The following PIK3CB variants were observed in gnomAD, a reference collection of about 807,000 sequenced individuals.
PIK3CB encodes the protein phosphatidylinositol-4,5-bisphosphate 3-kinase catalytic subunit beta, also known as phosphatidylinositol 4,5-bisphosphate 3-kinase catalytic subunit beta isoform.
A neutral mutation model predicts 136.8 loss-of-function variants in PIK3CB; 39 were observed. That is an observed-to-expected ratio of 0.29 (90% CI 0.22 to 0.37). The LOEUF (loss-of-function observed/expected upper bound fraction) is 0.37, where lower values mean the gene tolerates loss of function less well. Ranked by LOEUF, PIK3CB falls within the 10% of genes least tolerant of loss-of-function variation. PIK3CB has a pLI of 1.00. For missense variants in PIK3CB, 868 were observed against 1,275.4 expected, an observed-to-expected ratio of 0.68 and a Z score of 4.87; for synonymous variants, 428 against 436.6, an observed-to-expected ratio of 0.98 and a Z score of 0.25.
intron 21 of PIK3CB, among the ~76,000 whole-genome samples, chr3:138,663,675 C>T (rs949826062): frequency 7.2e-5 from 11 of 152,174 alleles, no homozygotes; most frequent in African/African-American, 2.4e-4. Context: ...AGCCACCACA[C>T]ACAGCCTTTA....
chr3:138,814,789 C>G (rs1933224452), intron 1 of PIK3CB, among the ~76,000 whole-genome samples: 2 of 152,058 alleles, frequency 1.3e-5, no homozygotes, highest in Non-Finnish European at 2.9e-5. Flanking sequence ...ATCACTTGAG[C>G]TCAGGAATTC....
chr3:138,659,448 C>A (rs920217376), intron 21 of PIK3CB, among the ~76,000 whole-genome samples: 6 of 151,264 alleles, frequency 4.0e-5, no homozygotes, highest in African/African-American at 1.5e-4. Flanking sequence ...ACCCAGGAGG[C>A]GGAGGCTGCA....
At chr3:138,672,668 C>G (rs544985419) in intron 19 of PIK3CB, among the ~76,000 whole-genome samples, 1 of 151,708 alleles carries the variant, frequency 6.6e-6, no homozygotes, top group East Asian at 1.9e-4. Flanking sequence ...GCACTTTGAC[C>G]TGGGAGATGG....
At chr3:138,679,379 T>TTGTG (rs1019151375) in intron 19 of PIK3CB, among the ~76,000 whole-genome samples, 3 of 152,122 alleles carry the variant, frequency 2.0e-5, no homozygotes, top group African/African-American at 7.2e-5. Flanking sequence ...CAGGATAGTC[T>TTGTG]TGAACTCCCG....
At chr3:138,747,341 T>A (rs901728595) in intron 4 of PIK3CB, among the ~76,000 whole-genome samples, 2 of 151,812 alleles carry the variant, frequency 1.3e-5, no homozygotes, top group Non-Finnish European at 2.9e-5. Context: ...AAAAAATACA[T>A]GAGAACTCGG....
At chr3:138,679,936 T>TAAAAAAAA (rs61222749) in intron 19 of PIK3CB, among the ~76,000 whole-genome samples, 1 of 110,844 alleles carries the variant, frequency 9.0e-6, no homozygotes, top group African/African-American at 3.5e-5. Context: ...AACACAAAAG[T>TAAAAAAAA]AAAAAAAAAA....
rs140675918 is a variant in PIK3CB, at chr3:138,743,262, C to G, written c.398-481G>C. On this transcript the variant is annotated intron_variant, in intron 4 of 23. Coordinates refer to ENST00000674063, the MANE Select transcript of PIK3CB (RefSeq NM_006219.3). Reference sequence around the variant, plus strand: ...ATACTATGGGAATGGCTACAATACACAGGGGCAGAGGGAATACGGAAAATC... The same window carrying G: ...ATACTATGGGAATGGCTACAATACAGAGGGGCAGAGGGAATACGGAAAATC... Among the ~76,000 whole-genome samples, 13 of 152,216 alleles carry G rather than the reference C, an allele frequency of 8.5e-5. No individual in the cohort carries two copies. In the East Asian group the frequency reaches 2.3e-3, roughly 27 times the overall value.
At chr3:138,662,010 C>A (rs370409467) in intron 21 of PIK3CB, among the ~76,000 whole-genome samples, 5 of 151,998 alleles carry the variant, frequency 3.3e-5, no homozygotes, top group Non-Finnish European at 5.9e-5. Context: ...ATTACTCACA[C>A]GACTGTTCTC....
At chr3:138,761,465 C>A (rs192391394) in intron 2 of PIK3CB, among the ~76,000 whole-genome samples, 1 of 152,264 alleles carries the variant, frequency 6.6e-6, no homozygotes, top group East Asian at 1.9e-4. Context: ...TTAGCTGGAA[C>A]AAATCAACTA....
chr3:138,697,318 C>A (rs1486631891), intron 13 of PIK3CB, among the ~76,000 whole-genome samples: 3 of 152,090 alleles, frequency 2.0e-5, no homozygotes, highest in Non-Finnish European at 4.4e-5. Context: ...TATTCTACAG[C>A]AATTAAAATA....
At chr3:138,819,459 G>C (rs905520500) in intron 1 of PIK3CB, among the ~76,000 whole-genome samples, 2 of 152,062 alleles carry the variant, frequency 1.3e-5, no homozygotes, top group African/African-American at 2.4e-5. Context: ...ATCTCCTCTA[G>C]ATTTCCAAAG....
At chr3:138,694,757 C>A (rs1286125388) in intron 14 of PIK3CB, 29 bp downstream of exon 14, 5 of 1,606,524 alleles carry the variant, frequency 3.1e-6, no homozygotes, top group Middle Eastern at 3.3e-4. Context: ...TTATTCCTTG[C>A]CCCAAAGAAA....
chr3:138,738,432 A>G (rs1044149200), intron 5 of PIK3CB, among the ~76,000 whole-genome samples: 1 of 152,094 alleles, frequency 6.6e-6, no homozygotes, highest in African/African-American at 2.4e-5. Context: ...CAGCCTCCCA[A>G]AGTGCTGGGA....
chr3:138,703,791 C>T (rs1335462102), intron 12 of PIK3CB, among the ~76,000 whole-genome samples: 1 of 152,162 alleles, frequency 6.6e-6, no homozygotes, highest in Non-Finnish European at 1.5e-5. Context: ...GAATCTCTTA[C>T]TCTTAGCCAA....
intron 16 of PIK3CB, 91 bp downstream of exon 16, chr3:138,688,784 T>C: frequency 4.1e-6 from 3 of 735,388 alleles, no homozygotes; most frequent in Non-Finnish European, 7.1e-6. Flanking sequence ...AAGTACCAAA[T>C]TGAACATGAA....
At chr3:138,822,212 C>T (rs995831882) in intron 1 of PIK3CB, among the ~76,000 whole-genome samples, 2 of 151,812 alleles carry the variant, frequency 1.3e-5, no homozygotes, top group Non-Finnish European at 2.9e-5. Flanking sequence ...TGATAACTAG[C>T]TCATAAATAT....
chr3:138,694,031 G>A (rs1483605549), intron 14 of PIK3CB, among the ~76,000 whole-genome samples: 6 of 136,472 alleles, frequency 4.4e-5, no homozygotes, highest in Non-Finnish European at 9.3e-5. Flanking sequence ...TCTTAATTCT[G>A]GAGGGTGGAT....
intron 23 of PIK3CB, 82 bp from the exon 24 acceptor site, chr3:138,655,608 G>C (rs1280836831): frequency 8.3e-6 from 9 of 1,082,546 alleles, no homozygotes; most frequent in Non-Finnish European, 1.3e-5. Flanking sequence ...AGGCTGGATT[G>C]GTTGTGCCTC....
chr3:138,729,754 C>A (rs1210750794), intron 8 of PIK3CB, among the ~76,000 whole-genome samples: 1 of 152,088 alleles, frequency 6.6e-6, no homozygotes, highest in Non-Finnish European at 1.5e-5. Flanking sequence ...TCTCCAGTTG[C>A]CCACCTCCAT....
Sources: allele counts gnomAD v4.1 joint callset (sites outside exome capture counted in the v4.1 genomes callset), GRCh38; gene constraint gnomAD v4.1.1; transcripts MANE v1.5; gene names NCBI Gene and HGNC (gene_info 2026-07-23, HGNC 2026-07-21).